RASGRF2: variants seen among roughly 807,000 people sequenced by gnomAD.
RASGRF2 encodes ras-specific guanine nucleotide-releasing factor 2.
In RASGRF2, 76 loss-of-function variants were observed where a neutral mutation model predicts 151.0. The ratio of observed to expected loss-of-function variants is 0.50; its 90% CI spans 0.42 to 0.61. RASGRF2 has a LOEUF of 0.61. Ranked by LOEUF, RASGRF2 falls within the 20% of genes least tolerant of loss-of-function variation. The pLI is 0.00. For synonymous variants in RASGRF2, 504 were observed against 566.5 expected, an observed-to-expected ratio of 0.89 and a Z score of 1.57; for missense variants, 1,148 against 1,564.6, an observed-to-expected ratio of 0.73 and a Z score of 4.49.
At chr5:81,022,315 T>C (rs1463854922) in intron 1 of RASGRF2, among the ~76,000 whole-genome samples, 1 of 152,132 alleles carries the variant, frequency 6.6e-6, no homozygotes, top group Non-Finnish European at 1.5e-5. Context: ...ATCCACAGGA[T>C]AGTTGGGAGC....
intron 13 of RASGRF2, among the ~76,000 whole-genome samples, chr5:81,110,358 A>G (rs1024109334): frequency 2.6e-5 from 4 of 152,368 alleles, no homozygotes; most frequent in Middle Eastern, 6.8e-3. Context: ...AGTGTCTCTT[A>G]GGAAATAAAG....
chr5:81,211,973 G>A (rs770262553), intron 22 of RASGRF2, among the ~76,000 whole-genome samples: 29 of 152,050 alleles, frequency 1.9e-4, no homozygotes, highest in Non-Finnish European at 1.5e-4. Context: ...ACACACTGTT[G>A]GGGGCCAAGG....
chr5:81,081,523 GAA>G (rs1752086061), intron 7 of RASGRF2, among the ~76,000 whole-genome samples: 1 of 152,212 alleles, frequency 6.6e-6, no homozygotes, highest in South Asian at 2.1e-4. Context: ...CTGTTGTTTT[GAA>G]AAGTGTCGAT....
intron 1 of RASGRF2, chr5:81,019,641 G>A (rs978522823): frequency 2.6e-5 from 4 of 152,204 alleles, no homozygotes; most frequent in Non-Finnish European, 5.9e-5. Context: ...ATAGTAATAT[G>A]TGTGGAGCAG....
intron 5 of RASGRF2, among the ~76,000 whole-genome samples, chr5:81,078,944 T>C (rs746246797): frequency 5.3e-5 from 8 of 152,188 alleles, no homozygotes; most frequent in Non-Finnish European, 1.2e-4. Context: ...CCACTGCTGC[T>C]GCCACAGATG....
intron 9 of RASGRF2, chr5:81,087,872 A>G (rs187382239): frequency 2.0e-3 from 310 of 156,770 alleles, no homozygotes; most frequent in African/African-American, 6.8e-3. Context: ...GCCTACCATA[A>G]TGTACTGCTT....
At chr5:81,029,935 A>G (rs1750177529) in intron 1 of RASGRF2, among the ~76,000 whole-genome samples, 1 of 152,222 alleles carries the variant, frequency 6.6e-6, no homozygotes, top group Non-Finnish European at 1.5e-5. Context: ...TAACTAGAAT[A>G]AACAATGTAG....
intron 18 of RASGRF2, among the ~76,000 whole-genome samples, chr5:81,200,741 G>A (rs929445822): frequency 1.3e-5 from 2 of 152,120 alleles, no homozygotes; most frequent in South Asian, 2.1e-4. Context: ...CGTGTGCCGT[G>A]GGTGCACAAA....
rs187186642 is a variant in RASGRF2 at position 81,031,788 on chromosome 5, A to T, written c.289-11089A>T. 2.8e-3 allele frequency among the ~76,000 whole-genome samples: 433 copies of T among 152,250 alleles called. 4 individuals are homozygous for T. Among genetic ancestry groups the T allele is most frequent in the African/African-American group, 9.6e-3 (399 of 41,558 alleles). On this transcript the variant is annotated intron_variant, in intron 1 of 26. Coordinates refer to ENST00000265080, the MANE Select transcript of RASGRF2 (RefSeq NM_006909.3). ...TTGAAAAGCCAGCAGAAGGCAAAAA[A>T]TAACTAAGATCAGAGCAGAACTGAA...
chr5:81,224,518 T>C (rs182129921), intron 26 of RASGRF2, among the ~76,000 whole-genome samples: 5 of 152,348 alleles, frequency 3.3e-5, no homozygotes, highest in South Asian at 2.1e-4. Flanking sequence ...TCTTAGGACC[T>C]AGCAATTTCT....
intron 26 of RASGRF2, chr5:81,223,528 C>G (rs1755905819): frequency 6.6e-6 from 1 of 152,262 alleles, no homozygotes; most frequent in Non-Finnish European, 1.5e-5. Context: ...ATAGACCCAG[C>G]TACTTGGGAG....
At chr5:81,081,646 T>C (rs1364282572) in intron 7 of RASGRF2, among the ~76,000 whole-genome samples, 1 of 152,208 alleles carries the variant, frequency 6.6e-6, no homozygotes, top group African/African-American at 2.4e-5. Flanking sequence ...ATGTGTGTTA[T>C]GGTTACTGTG....
At chr5:81,007,976 C>T (rs1749326219) in intron 1 of RASGRF2, among the ~76,000 whole-genome samples, 1 of 152,036 alleles carries the variant, frequency 6.6e-6, no homozygotes, top group South Asian at 2.1e-4. Context: ...CTTCCCAGGA[C>T]CATCCAGCAA....
chr5:81,116,068 T>C (rs1000374187), intron 15 of RASGRF2, among the ~76,000 whole-genome samples: 1 of 44,550 alleles, frequency 2.2e-5, no homozygotes, highest in African/African-American at 2.0e-4. Context: ...TGCCATTTCT[T>C]TTTTTTTTTT....
intron 8 of RASGRF2, 28 bp downstream of exon 8, chr5:81,085,939 T>G (rs751556461): frequency 1.2e-6 from 2 of 1,613,748 alleles, no homozygotes; most frequent in South Asian, 2.2e-5. Flanking sequence ...AACAAAGGCT[T>G]GGGAGAGGAA....
chr5:81,028,829 A>G (rs10075911), intron 1 of RASGRF2, among the ~76,000 whole-genome samples: 17,443 of 152,182 alleles, frequency 0.11, 1,256 homozygotes, highest in Non-Finnish European at 0.16. Context: ...CCCATGGAGC[A>G]TGAGCAGAAG....
chr5:81,205,424 T>C (rs1005942834), intron 19 of RASGRF2, among the ~76,000 whole-genome samples: 4 of 152,256 alleles, frequency 2.6e-5, no homozygotes, highest in African/African-American at 9.6e-5. Context: ...ATGCCTGCAT[T>C]ATCTGCTGTC....
At chr5:81,162,981 G>C (rs1754422799) in intron 17 of RASGRF2, among the ~76,000 whole-genome samples, 1 of 152,108 alleles carries the variant, frequency 6.6e-6, no homozygotes, top group Non-Finnish European at 1.5e-5. Context: ...GGGGGCTGCT[G>C]TCTCTGTGGT....
intron 4 of RASGRF2, among the ~76,000 whole-genome samples, chr5:81,072,553 C>G (rs896435374): frequency 1.3e-5 from 2 of 151,948 alleles, no homozygotes; most frequent in African/African-American, 4.8e-5. Context: ...AGTGAGAAAC[C>G]CTAGTTATCA....
Sources: gnomAD v4.1 joint callset for allele counts (sites outside exome capture counted in the v4.1 genomes callset) on GRCh38, gnomAD v4.1.1 for gene constraint, MANE v1.5 for transcripts, NCBI Gene and HGNC (gene_info 2026-07-23, HGNC 2026-07-21) for gene names.